Variants in KLRG1 observed in about 807,000 individuals in gnomAD.
KLRG1 encodes killer cell lectin-like receptor subfamily G member 1.
In KLRG1, 16 loss-of-function variants were observed where a neutral mutation model predicts 21.8. The observed-to-expected ratio is 0.73, with a 90% CI of 0.50 to 1.11. The LOEUF (loss-of-function observed/expected upper bound fraction) is 1.11, where lower values mean the gene tolerates loss of function less well. KLRG1 is among the 50% of genes most tolerant of loss of function. KLRG1 has a pLI of 0.00. For synonymous variants in KLRG1, 69 were observed against 75.9 expected (o/e 0.91, Z 0.47); for missense variants, 173 against 218.3 (o/e 0.79, Z 1.31).
chr12:9,112,073 T>G, the KLRG1 span: 2 of 1,267,678 alleles, frequency 1.6e-6, no homozygotes, highest in African/African-American at 2.9e-5. Flanking sequence ...AGATTCTTCC[T>G]CTCCCTGGTC....
the KLRG1 span, chr12:9,169,469 G>A: frequency 6.2e-7 from 1 of 1,611,148 alleles, no homozygotes. Context: ...TACTTGATAA[G>A]GGAACATAGA....
At chr12:8,954,909 A>G (rs1290637139) in intron 1 of KLRG1, among the ~76,000 whole-genome samples, 1 of 152,064 alleles carries the variant, frequency 6.6e-6, no homozygotes, top group East Asian at 1.9e-4. Context: ...CATGAAATGT[A>G]CAACTCTTTT....
At chr12:9,202,231 C>A in the KLRG1 span, 1 of 1,216,568 alleles carries the variant, frequency 8.2e-7, no homozygotes, top group Admixed American at 1.8e-5. Context: ...GTCTTTCATC[C>A]TCTCGCTTTT....
At chr12:8,995,368 T>C in intron 3 of KLRG1, 80 bp downstream of exon 3, 1 of 1,217,006 alleles carries the variant, frequency 8.2e-7, no homozygotes, top group South Asian at 1.5e-5. Context: ...AAATGTATCA[T>C]GTATCCTCTT....
intron 3 of KLRG1, among the ~76,000 whole-genome samples, chr12:9,005,841 A>C (rs755997113): frequency 6.6e-6 from 1 of 152,092 alleles, no homozygotes; most frequent in South Asian, 2.1e-4. Context: ...AGTTCACGAT[A>C]GTGTTTGTAC....
chr12:9,079,587 A>T, the KLRG1 span: 46 of 1,530,086 alleles, frequency 3.0e-5, no homozygotes, highest in Non-Finnish European at 4.0e-5. Flanking sequence ...ACCTACTGGG[A>T]AATCCAGTTG....
intron 1 of KLRG1, 136 bp downstream of exon 1, chr12:8,989,853 A>G: frequency 1.7e-6 from 1 of 604,956 alleles, no homozygotes; most frequent in Non-Finnish European, 2.9e-6. Flanking sequence ...GGTTCAGTTT[A>G]AAGTCCAGAG....
chr12:9,200,522 T>G, the KLRG1 span: 1 of 1,214,786 alleles, frequency 8.2e-7, no homozygotes, highest in Non-Finnish European at 1.2e-6. Flanking sequence ...TCAGTATGTC[T>G]ATAATTTTTC....
At chr12:9,012,685 T>G (rs1039291832), downstream of KLRG1, among the ~76,000 whole-genome samples, 4 of 151,798 alleles carry the variant, frequency 2.6e-5, no homozygotes, top group Admixed American at 2.6e-4. Flanking sequence ...TTGGCTACAG[T>G]GGGGTAGAGC....
the KLRG1 span, chr12:9,160,337 T>G: frequency 1.1e-5 from 18 of 1,613,644 alleles, no homozygotes; most frequent in Non-Finnish European, 1.5e-5. Context: ...GCCAACGGCC[T>G]TGGCCTTGAT....
the KLRG1 span, chr12:9,106,395 A>G: frequency 1.3e-6 from 2 of 1,484,150 alleles, no homozygotes; most frequent in East Asian, 2.3e-5. Context: ...TGATGTCTCT[A>G]AAATTCTATC....
the KLRG1 span, chr12:9,159,937 C>A: frequency 1.7e-5 from 27 of 1,607,750 alleles, no homozygotes; most frequent in Non-Finnish European, 2.2e-5. Flanking sequence ...TTCTTTCTTA[C>A]CAAGTGTTGC....
intron 1 of KLRG1, among the ~76,000 whole-genome samples, chr12:8,961,823 C>A (rs1298031179): frequency 6.6e-6 from 1 of 152,150 alleles, no homozygotes; most frequent in Non-Finnish European, 1.5e-5. Flanking sequence ...TGGTGGCTGT[C>A]GTCTGTAATC....
chr12:9,035,056 TA>T, the KLRG1 span, among the ~76,000 whole-genome samples: 2 of 151,686 alleles, frequency 1.3e-5, no homozygotes, highest in East Asian at 1.9e-4. Flanking sequence ...GAAAAAAACT[TA>T]TATAATAAGG....
At chr12:9,139,100 A>C in the KLRG1 span, among the ~76,000 whole-genome samples, 1 of 152,040 alleles carries the variant, frequency 6.6e-6, no homozygotes, top group Admixed American at 6.6e-5. Context: ...GCTTTTGCTG[A>C]ATACCATAAT....
At chr12:9,088,706 A>G in the KLRG1 span, among the ~76,000 whole-genome samples, 1 of 152,182 alleles carries the variant, frequency 6.6e-6, no homozygotes, top group Admixed American at 6.5e-5. Context: ...CAAATGTTTG[A>G]TAGGGCATTA....
chr12:9,022,380 C>T, the KLRG1 span, among the ~76,000 whole-genome samples: 3 of 152,150 alleles, frequency 2.0e-5, no homozygotes, highest in Non-Finnish European at 4.4e-5. Context: ...TATGGGAACA[C>T]AGTGTATACA....
At chr12:9,021,561 C>T in the KLRG1 span, among the ~76,000 whole-genome samples, 12 of 151,874 alleles carry the variant, frequency 7.9e-5, no homozygotes, top group East Asian at 1.4e-3. Context: ...CCACCATACC[C>T]AGCTAATTTT....
At chr12:8,954,892 T>C (rs973679582) in intron 1 of KLRG1, among the ~76,000 whole-genome samples, 1 of 152,268 alleles carries the variant, frequency 6.6e-6, no homozygotes, top group East Asian at 1.9e-4. Flanking sequence ...AGGCAAAATA[T>C]ATAAGTCATG....
Sources: allele counts gnomAD v4.1 joint callset (sites outside exome capture counted in the v4.1 genomes callset), GRCh38; gene constraint gnomAD v4.1.1; transcripts MANE v1.5; gene names NCBI Gene and HGNC (gene_info 2026-07-23, HGNC 2026-07-21).